The following NKAIN2 variants were observed in gnomAD, a reference collection of about 807,000 sequenced individuals.
NKAIN2 encodes sodium/potassium-transporting ATPase subunit beta-1-interacting protein 2.
Under a neutral mutation model 32.6 loss-of-function variants are expected in NKAIN2, and 14 were observed. The ratio of observed to expected loss-of-function variants is 0.43; its 90% CI spans 0.28 to 0.67. The LOEUF is 0.67. NKAIN2 is among the 30% of genes least tolerant of loss of function. The pLI, the probability that NKAIN2 is intolerant of heterozygous loss-of-function variation, is 0.17. For missense variants in NKAIN2, 198 were observed against 258.3 expected, an observed-to-expected ratio of 0.77 and a Z score of 1.60; for synonymous variants, 80 against 87.2, an observed-to-expected ratio of 0.92 and a Z score of 0.46.
At chr6:124,149,181 A>G in intron 1 of NKAIN2, among the ~76,000 whole-genome samples, 1 of 152,204 alleles carries the variant, frequency 6.6e-6, no homozygotes, top group East Asian at 1.9e-4. Context: ...TTGAATTGTA[A>G]GGGTGTTTTA....
intron 1 of NKAIN2, among the ~76,000 whole-genome samples, chr6:123,930,767 A>G (rs1776218321): frequency 6.6e-6 from 1 of 152,188 alleles, no homozygotes; most frequent in Non-Finnish European, 1.5e-5. Flanking sequence ...ATTTAGAAAG[A>G]TACAGAGTAA....
chr6:124,041,167 CAATAT>C (rs1470745232), intron 1 of NKAIN2, among the ~76,000 whole-genome samples: 2 of 151,974 alleles, frequency 1.3e-5, no homozygotes, highest in African/African-American at 4.8e-5. Flanking sequence ...ATGGTTATTG[CAATAT>C]CTATTGAGCT....
At chr6:124,200,380 T>C (rs1486550769) in intron 1 of NKAIN2, among the ~76,000 whole-genome samples, 1 of 152,152 alleles carries the variant, frequency 6.6e-6, no homozygotes, top group Non-Finnish European at 1.5e-5. Context: ...GCAGGAAATG[T>C]ACTGCTCTAG....
chr6:124,605,351 C>T (rs1782459439), intron 3 of NKAIN2, among the ~76,000 whole-genome samples: 1 of 151,924 alleles, frequency 6.6e-6, no homozygotes. Flanking sequence ...AACGGTGTAG[C>T]AAATATAAAA....
rs540114014 is a variant in NKAIN2 at position 124,727,460 on chromosome 6, C to T, written c.475-63879C>T. 4.9e-4 allele frequency among the ~76,000 whole-genome samples: 73 copies of T among 149,648 alleles called. 1 individual carries two copies. The highest frequency in any genetic ancestry group is 1.6e-3 in the African/African-American group (67 of 41,024). On this transcript the variant is annotated intron_variant, in intron 4 of 6. Transcript: ENST00000368417. ...GAATTTCATATCCAGCCAAACTAAGCTTCATAAGTGAAGGAGAAATAAAAT... is the reference window on the plus strand; with the variant it reads ...GAATTTCATATCCAGCCAAACTAAGTTTCATAAGTGAAGGAGAAATAAAAT...
intron 4 of NKAIN2, among the ~76,000 whole-genome samples, chr6:124,659,751 G>GAACAAT (rs1784679076): frequency 3.3e-5 from 5 of 151,896 alleles, no homozygotes; most frequent in Non-Finnish European, 7.4e-5. Context: ...CTTCTGCTTG[G>GAACAAT]GAGGAAGGCT....
intron 1 of NKAIN2, among the ~76,000 whole-genome samples, chr6:124,228,773 C>T (rs1792261212): frequency 6.6e-6 from 1 of 152,056 alleles, no homozygotes; most frequent in South Asian, 2.1e-4. Flanking sequence ...TCAATGAAGT[C>T]AATTTTTAAT....
chr6:124,654,900 G>T (rs910223010), intron 3 of NKAIN2, among the ~76,000 whole-genome samples: 1 of 152,016 alleles, frequency 6.6e-6, no homozygotes, highest in Non-Finnish European at 1.5e-5. Flanking sequence ...TTAGAATTTT[G>T]GCCTCTAGAA....
At chr6:124,195,696 G>A (rs1266952904) in intron 1 of NKAIN2, among the ~76,000 whole-genome samples, 1 of 152,088 alleles carries the variant, frequency 6.6e-6, no homozygotes, top group Non-Finnish European at 1.5e-5. Context: ...CAATGGAAAA[G>A]TAAATCATTC....
chr6:124,604,142 G>A (rs148250250), intron 3 of NKAIN2, among the ~76,000 whole-genome samples: 32 of 152,104 alleles, frequency 2.1e-4, no homozygotes, highest in African/African-American at 7.5e-4. Flanking sequence ...ATGACTGTGT[G>A]ATTGTCAACC....
intron 5 of NKAIN2, among the ~76,000 whole-genome samples, chr6:124,811,931 G>A (rs1780918794): frequency 6.6e-6 from 1 of 152,080 alleles, no homozygotes; most frequent in Admixed American, 6.5e-5. Flanking sequence ...CCTCCGACAA[G>A]GCAGAGATTA....
chr6:124,380,269 T>A lies in NKAIN2; in HGVS notation c.273+24922T>A, dbSNP rs143711791. On this transcript the variant is annotated intron_variant, in intron 3 of 6. Coordinates refer to ENST00000368417, the MANE Select transcript of NKAIN2 (RefSeq NM_001040214.3). ...AGAAGTAACTATGCTATTGTCAAGA[T>A]GCTGAGGTTGAAAGAATCTCCCCTG... 1.5e-3 allele frequency among the ~76,000 whole-genome samples: 232 copies of A among 152,306 alleles called. 2 individuals carry two copies. The highest frequency in any genetic ancestry group is 5.4e-3 in the African/African-American group (226 of 41,568).
intron 3 of NKAIN2, among the ~76,000 whole-genome samples, chr6:124,356,098 T>C (rs1241862623): frequency 6.6e-6 from 1 of 152,166 alleles, no homozygotes; most frequent in African/African-American, 2.4e-5. Context: ...CTTTAAAACA[T>C]AAAAATTGTA....
intron 3 of NKAIN2, among the ~76,000 whole-genome samples, chr6:124,533,470 T>TAAA (rs1779601196): frequency 6.4e-4 from 1 of 1,556 alleles, no homozygotes; most frequent in African/African-American, 1.4e-3. Context: ...AGACTCTGTC[T>TAAA]CAAAAAAAAA....
intron 3 of NKAIN2, among the ~76,000 whole-genome samples, chr6:124,574,855 C>A (rs546966271): frequency 1.3e-5 from 2 of 152,276 alleles, no homozygotes; most frequent in South Asian, 4.1e-4. Flanking sequence ...GGGTGCTAGT[C>A]TTTTCTCTAC....
At chr6:124,113,836 A>G (rs1204520680) in intron 1 of NKAIN2, among the ~76,000 whole-genome samples, 1 of 152,116 alleles carries the variant, frequency 6.6e-6, no homozygotes, top group Non-Finnish European at 1.5e-5. Flanking sequence ...GAACCTTTCA[A>G]TTAGTTTCTG....
chr6:123,834,998 T>C (rs1212986474), intron 1 of NKAIN2, among the ~76,000 whole-genome samples: 1 of 152,202 alleles, frequency 6.6e-6, no homozygotes, highest in African/African-American at 2.4e-5. Flanking sequence ...TCTATATCTA[T>C]GTTCATGAGA....
intron 5 of NKAIN2, among the ~76,000 whole-genome samples, chr6:124,798,021 C>T (rs1319979141): frequency 6.6e-6 from 1 of 152,020 alleles, no homozygotes; most frequent in Non-Finnish European, 1.5e-5. Context: ...TCCTTCCTTC[C>T]TTCCTCCCCT....
intron 1 of NKAIN2, among the ~76,000 whole-genome samples, chr6:124,121,545 A>T (rs1785880501): frequency 1.3e-5 from 2 of 152,128 alleles, no homozygotes; most frequent in Admixed American, 6.6e-5. Flanking sequence ...AGATAAGCAT[A>T]TCAAACAGGC....
Sources: gnomAD v4.1 joint callset for allele counts (sites outside exome capture counted in the v4.1 genomes callset) on GRCh38, gnomAD v4.1.1 for gene constraint, MANE v1.5 for transcripts, NCBI Gene and HGNC (gene_info 2026-07-23, HGNC 2026-07-21) for gene names.